The following ADGRG6 variants were observed in gnomAD, a reference collection of about 807,000 sequenced individuals.
ADGRG6 encodes G-protein coupled receptor 126.
Under a neutral mutation model 142.4 loss-of-function variants are expected in ADGRG6, and 84 were observed. That is an observed-to-expected ratio of 0.59 (90% confidence interval 0.49 to 0.71). The LOEUF (loss-of-function observed/expected upper bound fraction) is 0.71. Ranked by LOEUF, ADGRG6 falls within the 30% of genes least tolerant of loss-of-function variation. The pLI, the probability that ADGRG6 is intolerant of heterozygous loss-of-function variation, is 0.00. For synonymous variants in ADGRG6, 521 were observed against 520.5 expected (o/e 1.00, Z -0.01); for missense variants, 1,367 against 1,466.6 (o/e 0.93, Z 1.11).
At chr6:142,364,373 G>A (rs901720644) in intron 2 of ADGRG6, among the ~76,000 whole-genome samples, 1 of 152,112 alleles carries the variant, frequency 6.6e-6, no homozygotes, top group African/African-American at 2.4e-5. Flanking sequence ...ATGTTCTTCT[G>A]AATTCATGTT....
At chr6:142,363,149 T>C (rs920390105) in intron 2 of ADGRG6, among the ~76,000 whole-genome samples, 1 of 152,182 alleles carries the variant, frequency 6.6e-6, no homozygotes, top group African/African-American at 2.4e-5. Flanking sequence ...TTTAACACAG[T>C]CTAGAAGAAG....
At chr6:142,435,906 C>T (rs1339905768) in intron 22 of ADGRG6, among the ~76,000 whole-genome samples, 5 of 152,028 alleles carry the variant, frequency 3.3e-5, no homozygotes, top group Non-Finnish European at 4.4e-5. Flanking sequence ...CAGGTAGGAA[C>T]GTGTTATGGA....
intron 6 of ADGRG6, 115 bp from the exon 7 acceptor site, chr6:142,390,143 T>A: frequency 2.4e-6 from 1 of 411,784 alleles, no homozygotes; most frequent in Non-Finnish European, 4.3e-6. Flanking sequence ...ATTATGTGAT[T>A]ATGAATAAAA....
At chr6:142,391,263 G>A in intron 7 of ADGRG6, among the ~76,000 whole-genome samples, 1 of 151,340 alleles carries the variant, frequency 6.6e-6, no homozygotes, top group Non-Finnish European at 1.5e-5. Context: ...AGCATACTGT[G>A]AGACTTTGTA....
intron 9 of ADGRG6, among the ~76,000 whole-genome samples, chr6:142,394,678 C>G (rs536278524): frequency 5.3e-5 from 8 of 150,658 alleles, no homozygotes; most frequent in African/African-American, 1.7e-4. Context: ...AACTCCTAGG[C>G]TCAAATGATC....
chr6:142,412,683 C>T (rs529132828), intron 18 of ADGRG6, among the ~76,000 whole-genome samples: 1 of 152,216 alleles, frequency 6.6e-6, no homozygotes, highest in African/African-American at 2.4e-5. Flanking sequence ...GCATGTTTTC[C>T]TTAAGTAATT....
intron 4 of ADGRG6, among the ~76,000 whole-genome samples, chr6:142,381,356 A>G (rs1295851075): frequency 5.9e-5 from 9 of 152,166 alleles, no homozygotes; most frequent in Non-Finnish European, 2.9e-5. Context: ...AAGCTGTTGG[A>G]AAAAGTCTGT....
chr6:142,334,813 C>A (rs557224559), intron 2 of ADGRG6, among the ~76,000 whole-genome samples: 1 of 152,032 alleles, frequency 6.6e-6, no homozygotes. Context: ...AAACAGAGGG[C>A]AGTACTTAGG....
At chr6:142,419,064 A>G (rs1368691229) in intron 21 of ADGRG6, among the ~76,000 whole-genome samples, 1 of 152,118 alleles carries the variant, frequency 6.6e-6, no homozygotes, top group Admixed American at 6.6e-5. Context: ...ATTAATCTCA[A>G]TTATAAGGTC....
chr6:142,358,237 T>C (rs1304011019), intron 2 of ADGRG6, among the ~76,000 whole-genome samples: 1 of 152,260 alleles, frequency 6.6e-6, no homozygotes, highest in Non-Finnish European at 1.5e-5. Context: ...AGATTTTCTG[T>C]GACATTCTCA....
At chr6:142,404,466 CCT>C (rs1351741715) in intron 14 of ADGRG6, among the ~76,000 whole-genome samples, 1 of 151,792 alleles carries the variant, frequency 6.6e-6, no homozygotes, top group Non-Finnish European at 1.5e-5. Context: ...CATGGTAAAC[CCT>C]GTTTCTACTA....
intron 22 of ADGRG6, among the ~76,000 whole-genome samples, chr6:142,432,697 A>C (rs946157705): frequency 6.6e-6 from 1 of 152,172 alleles, no homozygotes; most frequent in African/African-American, 2.4e-5. Context: ...AAATTGTTTT[A>C]TTAAGTCAGT....
intron 2 of ADGRG6, among the ~76,000 whole-genome samples, chr6:142,347,842 A>C (rs758604581): frequency 1.4e-4 from 21 of 152,274 alleles, no homozygotes; most frequent in Middle Eastern, 3.4e-3. Flanking sequence ...CATAGCTTCC[A>C]AGGACTAACA....
At chr6:142,312,290 T>A (rs1457911271) in intron 2 of ADGRG6, among the ~76,000 whole-genome samples, 2 of 152,032 alleles carry the variant, frequency 1.3e-5, no homozygotes, top group Non-Finnish European at 1.5e-5. Context: ...ATTCTTATAA[T>A]AGAATTGCAG....
rs914627690 is a variant in ADGRG6, at chr6:142,411,417, G to C, written c.2541+6G>C. The C allele has an allele frequency of 7.0e-7, 1 of 1,423,992 alleles. No homozygotes were observed. The highest frequency in any genetic ancestry group is 1.7e-5 in the Admixed American group (1 of 59,666). The allele number at this position is 1,423,992 out of a possible 1,614,324, so 88.2% of individuals were successfully genotyped here. On this transcript the variant is annotated splice_donor_region_variant and intron_variant, in intron 18 of 24. Transcript: ENST00000367609. ...CACACTTTGGAGTTCTGATGGTAAG[G>C]GGGGAATTTCTAAGCTCATTTTGAC... is the stretch of plus-strand genomic sequence containing the variant.
intron 9 of ADGRG6, among the ~76,000 whole-genome samples, chr6:142,395,422 T>C (rs1026740486): frequency 6.6e-6 from 1 of 152,194 alleles, no homozygotes; most frequent in Non-Finnish European, 1.5e-5. Flanking sequence ...TTGGTAGATA[T>C]AGCCAATGGT....
chr6:142,370,814 T>A (rs921460509), intron 4 of ADGRG6, 21 bp downstream of exon 4: 1 of 171,624 alleles, frequency 5.8e-6, no homozygotes, highest in Admixed American at 7.2e-5. Flanking sequence ...AGCGTATTCC[T>A]TTTTTTTTTT....
chr6:142,357,193 C>T (rs865817349), intron 2 of ADGRG6, among the ~76,000 whole-genome samples: 25 of 152,136 alleles, frequency 1.6e-4, no homozygotes, highest in Non-Finnish European at 5.9e-5. Flanking sequence ...TTTTAAAGTT[C>T]ATTTTCAGAG....
intron 6 of ADGRG6, among the ~76,000 whole-genome samples, chr6:142,389,437 AG>A (rs1193841833): frequency 1.3e-5 from 2 of 152,074 alleles, no homozygotes; most frequent in East Asian, 1.9e-4. Context: ...ATAATTTAAA[AG>A]GGTATTTTTC....
Sources: allele counts gnomAD v4.1 joint callset (sites outside exome capture counted in the v4.1 genomes callset), GRCh38; gene constraint gnomAD v4.1.1; transcripts MANE v1.5; gene names NCBI Gene and HGNC (gene_info 2026-07-23, HGNC 2026-07-21).